Variants in SDK1 observed in about 807,000 individuals in gnomAD.
SDK1 encodes sidekick cell adhesion molecule 1, also known as protein sidekick-1.
Under a neutral mutation model 245.5 loss-of-function variants are expected in SDK1, and 157 were observed. The ratio of observed to expected loss-of-function variants is 0.64; its 90% CI spans 0.56 to 0.73. The LOEUF (loss-of-function observed/expected upper bound fraction) is 0.73, where lower values mean the gene tolerates loss of function less well. SDK1 is among the 30% of genes least tolerant of loss of function. The probability of loss-of-function intolerance (pLI) is 0.00; values close to 1 mark genes in which losing one functional copy is unlikely to be tolerated. For synonymous variants in SDK1, 1,647 were observed against 1,278.5 expected (o/e 1.29, Z -6.15); for missense variants, 3,583 against 3,002.3 (o/e 1.19, Z -4.52).
chr7:4,053,477 T>G (rs551736315), intron 19 of SDK1, among the ~76,000 whole-genome samples: 6 of 152,306 alleles, frequency 3.9e-5, no homozygotes, highest in Admixed American at 2.0e-4. Context: ...CTTTTTACTA[T>G]TGGATCCTTT....
At chr7:3,843,187 G>T (rs1487694648) in intron 5 of SDK1, among the ~76,000 whole-genome samples, 1 of 152,172 alleles carries the variant, frequency 6.6e-6, no homozygotes, top group Non-Finnish European at 1.5e-5. Context: ...TTAAGCTGTA[G>T]CATGAAGCCT....
intron 4 of SDK1, among the ~76,000 whole-genome samples, chr7:3,808,087 C>G (rs1779295608): frequency 1.3e-5 from 2 of 152,164 alleles, no homozygotes; most frequent in African/African-American, 2.4e-5. Flanking sequence ...GGATCCAAAC[C>G]TTGATGTTAA....
chr7:3,964,435 C>G (rs1367207146), intron 9 of SDK1, among the ~76,000 whole-genome samples: 2 of 152,204 alleles, frequency 1.3e-5, no homozygotes, highest in Non-Finnish European at 2.9e-5. Context: ...ATAGATCACT[C>G]CTAATCTTTT....
intron 5 of SDK1, among the ~76,000 whole-genome samples, chr7:3,851,627 C>T (rs918248353): frequency 1.5e-4 from 23 of 151,118 alleles, no homozygotes; most frequent in Non-Finnish European, 2.4e-4. Context: ...TAAGAGGAGA[C>T]TTACTAAGTA....
intron 20 of SDK1, among the ~76,000 whole-genome samples, chr7:4,071,565 A>G (rs971462019): frequency 1.3e-4 from 20 of 152,148 alleles, no homozygotes; most frequent in African/African-American, 4.8e-4. Flanking sequence ...AGGCAGGGGG[A>G]ACTGAGCAGG....
rs964818300 is a variant in SDK1 at position 3,911,402 on chromosome 7, T to C, written c.848-39521T>C. ...TTACTGCTCACAGTTCTGGAGGCTG[T>C]GAAGTCCAAGACCAAGGCACCAGCA... is the stretch of plus-strand genomic sequence containing the variant. On this transcript the variant is annotated intron_variant, in intron 5 of 44. Transcript: ENST00000404826. Among the ~76,000 whole-genome samples, 211 of 152,216 alleles carry C rather than the reference T, an allele frequency of 1.4e-3. 1 individual carries two copies. The highest frequency in any genetic ancestry group is 4.9e-3 in the African/African-American group (203 of 41,536).
chr7:3,469,485 A>T (rs1781116932), intron 1 of SDK1, among the ~76,000 whole-genome samples: 1 of 152,162 alleles, frequency 6.6e-6, no homozygotes, highest in African/African-American at 2.4e-5. Flanking sequence ...AAATAGCATG[A>T]GGTGATGTAC....
In SDK1 at chr7:3,889,735, C is replaced by T. The variant is rs538483745; in HGVS notation, c.848-61188C>T. Among the ~76,000 whole-genome samples the T allele has an allele frequency of 2.6e-5, 4 of 152,276 alleles. No homozygotes were observed. In the South Asian group the frequency reaches 8.3e-4, roughly 32 times the overall value. ...GTGTTAGCCAGGATGGTCTCAATCT[C>T]CTGACCTCGTGATCCACCCTCCTCG... is the stretch of plus-strand genomic sequence containing the variant. On this transcript the variant is annotated intron_variant, in intron 5 of 44. Transcript: ENST00000404826.
chr7:4,247,675 G>T (rs1027033450), intron 44 of SDK1, among the ~76,000 whole-genome samples: 2 of 152,218 alleles, frequency 1.3e-5, no homozygotes, highest in African/African-American at 2.4e-5. Context: ...GGTGGTTCCT[G>T]TGTGCTGAGC....
Position 3,962,685 on chromosome 7 carries a change from C to G in SDK1, c.1263C>G (p.Tyr421Ter). The change falls in exon 9 of 45, where the codon TAC (tyrosine) becomes TAG (stop). Residue 421 changes from tyrosine to a stop codon, truncating the protein, a stop_gained. Transcript: ENST00000404826. LOFTEE classifies it high-confidence loss of function. The stretch of plus-strand genomic sequence containing the variant: ...TCCCCCTTCCCACCCTCCAGTGGTA[C>G]AAGGATGCCATCTCCATCAGCAGGC... Reference protein sequence around the residue: ...MGVPLPTLQWYKDAISISRLQ... With the variant: ...MGVPLPTLQW 6.2e-7 allele frequency: 1 copy of G among 1,613,484 alleles called. No individual in the cohort carries two copies. Among genetic ancestry groups the G allele is most frequent in the Non-Finnish European group, 8.5e-7 (1 of 1,179,656 alleles).
intron 1 of SDK1, among the ~76,000 whole-genome samples, chr7:3,421,363 A>G (rs1039775877): frequency 2.0e-5 from 3 of 152,120 alleles, no homozygotes; most frequent in Non-Finnish European, 4.4e-5. Flanking sequence ...GGTGCAAGCC[A>G]CCGAGCCTGG....
rs570956326 is a variant in SDK1, at chr7:3,975,436, C to A, written c.1994+891C>A. Among the ~76,000 whole-genome samples the A allele has an allele frequency of 5.3e-5, 8 of 152,276 alleles. No individual in the cohort carries two copies. The South Asian group carries it at 1.2e-3, about 24-fold the overall frequency. On this transcript the variant is annotated intron_variant, in intron 13 of 44. Coordinates refer to ENST00000404826, the MANE Select transcript of SDK1 (RefSeq NM_152744.4). Reference sequence around the variant, plus strand: ...GATTTTTCCTCACTGGACCCTGCCCCCTTTGATCCAGGAAAGATTCTGTAT... The same window carrying A: ...GATTTTTCCTCACTGGACCCTGCCCACTTTGATCCAGGAAAGATTCTGTAT...
intron 1 of SDK1, among the ~76,000 whole-genome samples, chr7:3,325,324 TA>T (rs1779916139): frequency 6.6e-6 from 1 of 152,176 alleles, no homozygotes; most frequent in African/African-American, 2.4e-5. Context: ...CCTTTATATT[TA>T]ACGTCTTAAC....
At chr7:3,417,211 A>T (rs1779391668) in intron 1 of SDK1, among the ~76,000 whole-genome samples, 1 of 152,160 alleles carries the variant, frequency 6.6e-6, no homozygotes, top group Non-Finnish European at 1.5e-5. Flanking sequence ...CGAGCCCTAC[A>T]GCTGCAGGCT....
chr7:3,545,333 A>T (rs1779186495), intron 1 of SDK1, among the ~76,000 whole-genome samples: 1 of 152,140 alleles, frequency 6.6e-6, no homozygotes, highest in Non-Finnish European at 1.5e-5. Flanking sequence ...GGCGGTCAAA[A>T]GGCCTAGAGT....
chr7:3,606,925 T>G (rs573054697), intron 1 of SDK1, among the ~76,000 whole-genome samples: 2 of 152,186 alleles, frequency 1.3e-5, no homozygotes, highest in Non-Finnish European at 2.9e-5. Context: ...AAAAGTGTTA[T>G]GTACAAACCT....
intron 1 of SDK1, among the ~76,000 whole-genome samples, chr7:3,430,702 T>C (rs1043253362): frequency 1.3e-5 from 2 of 152,172 alleles, no homozygotes; most frequent in South Asian, 4.1e-4. Flanking sequence ...TGGAGTTCGT[T>C]AGGTATCCGT....
intron 5 of SDK1, among the ~76,000 whole-genome samples, chr7:3,871,129 T>A (rs1336888432): frequency 6.6e-6 from 1 of 150,382 alleles, no homozygotes; most frequent in East Asian, 1.9e-4. Context: ...GTCAATAGAT[T>A]TATACCTAAG....
At chr7:3,798,473 T>G (rs556855051) in intron 4 of SDK1, among the ~76,000 whole-genome samples, 1 of 152,222 alleles carries the variant, frequency 6.6e-6, no homozygotes, top group East Asian at 1.9e-4. Flanking sequence ...CACCTTGGCC[T>G]CCCAAAGTGC....
Sources: gnomAD v4.1 joint callset for allele counts (sites outside exome capture counted in the v4.1 genomes callset) on GRCh38, gnomAD v4.1.1 for gene constraint, MANE v1.5 for transcripts, NCBI Gene and HGNC (gene_info 2026-07-23, HGNC 2026-07-21) for gene names.